The following GABRQ variants were observed in gnomAD, a reference collection of about 807,000 sequenced individuals.
GABRQ encodes the protein gamma-aminobutyric acid type A receptor subunit theta, also known as gamma-aminobutyric acid receptor subunit theta.
GABRQ carries 19 observed loss-of-function variants against 30.5 expected under a neutral mutation model. That is an observed-to-expected ratio of 0.62 (90% CI 0.43 to 0.91). The LOEUF (loss-of-function observed/expected upper bound fraction) is 0.91. GABRQ is among the 40% of genes least tolerant of loss of function. GABRQ has a pLI of 0.00. For missense variants in GABRQ, 520 were observed against 521.4 expected (o/e 1.00, Z 0.03); for synonymous variants, 187 against 210.2 (o/e 0.89, Z 0.95).
Position 152,649,315 on chromosome X carries a change from A to G in GABRQ, c.592A>G (p.Asn198Asp). ...HKFPMDKQAC[N>D]LVVESYGYTV... is the part of the protein sequence containing the mutation. The stretch of plus-strand genomic sequence containing the variant: ...ATTCCCTATGGACAAGCAGGCCTGC[A>G]ACCTGGTGGTAGAGAGCTGTACGTA... The change falls in exon 5 of 9, where the codon AAC becomes GAC. Residue 198 changes from asparagine to aspartate, a missense_variant. Asn to Asp is a conservative substitution (Grantham distance 23). Transcript: ENST00000598523. 4 of 1,157,252 alleles carry G rather than the reference A, an allele frequency of 3.5e-6. No individual in the cohort carries two copies. The highest frequency in any genetic ancestry group is 4.7e-6 in the Non-Finnish European group (4 of 845,736).
At chrX:152,651,453 GGGT>G (rs1329380766) in intron 7 of GABRQ, 70 bp from the exon 8 acceptor site, 2 of 920,788 alleles carry the variant, frequency 2.2e-6, no homozygotes, top group Admixed American at 4.7e-5. Flanking sequence ...AAATATGTTT[GGGT>G]GGGGGCCTGA....
At chrX:152,640,170 T>TGG (rs10706326) in intron 1 of GABRQ, among the ~76,000 whole-genome samples, 1,609 of 103,655 alleles carry the variant, frequency 0.016, 25 homozygotes, top group African/African-American at 0.05. Context: ...GCTGGGAAGG[T>TGG]GGGGGGGGGA....
chrX:152,645,692 A>G (rs1930871654), intron 3 of GABRQ, 98 bp downstream of exon 3: 1 of 551,790 alleles, frequency 1.8e-6, no homozygotes, highest in Non-Finnish European at 3.1e-6. Flanking sequence ...CTGTGACAGA[A>G]CTCACATAAA....
intron 3 of GABRQ, 78 bp from the exon 4 acceptor site, chrX:152,646,870 C>A: frequency 1.6e-6 from 1 of 631,396 alleles, no homozygotes; most frequent in Non-Finnish European, 2.7e-6. Context: ...TGCACACATA[C>A]ACACACACCC....
In GABRQ at chrX:152,656,196, C is replaced by A. The variant is rs1057164546; in HGVS notation, c.*2915C>A. 4 of 110,401 alleles carry A rather than the reference C, an allele frequency of 3.6e-5. No homozygotes were observed. Among genetic ancestry groups the A allele is most frequent in the Admixed American group, 1.9e-4 (2 of 10,369 alleles). 9.1% of individuals were successfully genotyped at this position (110,401 alleles called of 1,213,427 possible). A position where few individuals can be genotyped will look rare whatever the true frequency, so the allele number is the denominator to read the frequency against. ...GGTCTGTCCTCTGTGTCATTTGAGT[C>A]CTCAGCTGTCCCCAACCCCTTCCCA... On this transcript the variant is annotated 3_prime_UTR_variant, in exon 9 of 9. Coordinates refer to ENST00000598523, the MANE Select transcript of GABRQ (RefSeq NM_018558.4).
chrX:152,646,908 C>A, intron 3 of GABRQ, 40 bp from the exon 4 acceptor site: 1 of 1,002,772 alleles, frequency 1.0e-6, no homozygotes, highest in Non-Finnish European at 1.4e-6. Context: ...GAGCTCTGGA[C>A]AACCAAACTT....
chrX:152,641,840 A>G (rs1015101362), intron 2 of GABRQ, among the ~76,000 whole-genome samples: 4 of 112,344 alleles, frequency 3.6e-5, no homozygotes, highest in Non-Finnish European at 1.9e-5. Context: ...CCAAGCACCA[A>G]TGGGTGACGT....
At chrX:152,640,951 A>C (rs1930742764) in intron 2 of GABRQ, among the ~76,000 whole-genome samples, 1 of 110,498 alleles carries the variant, frequency 9.0e-6, no homozygotes, top group Non-Finnish European at 1.9e-5. Context: ...CTTCCACCTC[A>C]GCTCCCTCAT....
At chrX:152,645,951 C>A (rs1930877990) in intron 3 of GABRQ, among the ~76,000 whole-genome samples, 1 of 112,434 alleles carries the variant, frequency 8.9e-6, no homozygotes, top group Non-Finnish European at 1.9e-5. Flanking sequence ...TATTGAAATT[C>A]TGTGTAACCA....
intron 2 of GABRQ, among the ~76,000 whole-genome samples, chrX:152,645,271 G>A (rs991019995): frequency 2.7e-5 from 3 of 111,872 alleles, no homozygotes; most frequent in Admixed American, 9.5e-5. Context: ...ATCCCTTAAC[G>A]TTCTCTTTAT....
chrX:152,644,897 C>T (rs1569453018), intron 2 of GABRQ, among the ~76,000 whole-genome samples: 1 of 111,905 alleles, frequency 8.9e-6, no homozygotes, highest in East Asian at 2.8e-4. Flanking sequence ...AACACAAACA[C>T]AATCATACAC....
At chrX:152,649,561 T>G (rs1930969070) in intron 5 of GABRQ, among the ~76,000 whole-genome samples, 181 bp from the exon 6 acceptor site, 1 of 112,426 alleles carries the variant, frequency 8.9e-6, no homozygotes, top group South Asian at 3.7e-4. Flanking sequence ...GACAGATAGA[T>G]GTATAAATAC....
At chrX:152,649,546 T>C (rs1253019357) in intron 5 of GABRQ, among the ~76,000 whole-genome samples, 196 bp from the exon 6 acceptor site, 3 of 111,898 alleles carry the variant, frequency 2.7e-5, no homozygotes, top group African/African-American at 9.8e-5. Context: ...GATAGATAAT[T>C]TATTGACAGA....
In GABRQ at chrX:152,653,462, G is replaced by A. The variant is rs184146681; in HGVS notation, c.*181G>A. On this transcript the variant is annotated 3_prime_UTR_variant, in exon 9 of 9. Transcript: ENST00000598523. ...TAATTGGAAAGAACATGTTCTAGCT[G>A]GAAGGGAAGGGATTGAGGAGGAGTT... is the stretch of plus-strand genomic sequence containing the variant. 134 of 418,332 alleles carry A rather than the reference G, an allele frequency of 3.2e-4. No individual in the cohort carries two copies. The East Asian group carries it at 4.8e-3, about 15-fold the overall frequency. 34.5% of individuals were successfully genotyped at this position (418,332 alleles called of 1,213,427 possible). A position where few individuals can be genotyped will look rare whatever the true frequency, so the allele number is the denominator to read the frequency against.
At position 152,638,262 on chromosome X, in the gene GABRQ, C is replaced by T; in HGVS notation, c.60C>T (p.Leu20=). The change falls in exon 1 of 9, where the codon CTC becomes CTT. Residue 20 remains leucine (L), a synonymous_variant. Transcript: ENST00000598523. The part of the protein sequence containing the change: ...AVILLLIRTW[L]AEGNYPSPIP... ...TCCTGCTGCTCATCAGGACCTGGCT[C>T]GCGGAGGGCAACTACCCCAGTCCCA... The T allele has an allele frequency of 8.3e-7, 1 of 1,209,392 alleles. No individual in the cohort carries two copies. The highest frequency in any genetic ancestry group is 1.1e-6 in the Non-Finnish European group (1 of 892,911).
At chrX:152,640,011 G>C (rs1930714113) in intron 1 of GABRQ, among the ~76,000 whole-genome samples, 1 of 111,505 alleles carries the variant, frequency 9.0e-6, no homozygotes, top group Admixed American at 9.4e-5. Context: ...TGGGGCTCTT[G>C]AAGGGGCTGA....
intron 5 of GABRQ, 62 bp from the exon 6 acceptor site, chrX:152,649,680 C>CT: frequency 1.0e-6 from 1 of 970,897 alleles, no homozygotes; most frequent in Non-Finnish European, 1.5e-6. Flanking sequence ...TGTAGCATGT[C>CT]TTTTTTGTGC....
At chrX:152,658,317 ACT>A (rs1438451299), downstream of GABRQ, among the ~76,000 whole-genome samples, 4 of 111,272 alleles carry the variant, frequency 3.6e-5, no homozygotes, top group Non-Finnish European at 7.6e-5. Flanking sequence ...TTCCCTTGCC[ACT>A]CTCTTTCAAG....
Position 152,653,288 on chromosome X carries a change from AGTGCTCCAGAACAGCGGGAGCACTGTGCT to A in GABRQ, c.*15_*43del. 8.5e-7 allele frequency: 1 copy of A among 1,171,209 alleles called. No homozygotes were observed. Among genetic ancestry groups the A allele is most frequent in the Admixed American group, 2.2e-5 (1 of 45,343 alleles). ...GGTATACCATATGTATTAGTCCCCCAGTGCTCCAGAACAGCGGGAGCACTGTGCTGTGCTCCTTTCAGTTTCTTTTGGGT... is the reference window on the plus strand; with the variant it reads ...GGTATACCATATGTATTAGTCCCCCAGTGCTCCTTTCAGTTTCTTTTGGGT... On this transcript the variant is annotated 3_prime_UTR_variant, in exon 9 of 9. Transcript: ENST00000598523.
Sources: allele counts gnomAD v4.1 joint callset (sites outside exome capture counted in the v4.1 genomes callset), GRCh38; gene constraint gnomAD v4.1.1; transcripts MANE v1.5; gene names NCBI Gene and HGNC (gene_info 2026-07-23, HGNC 2026-07-21).